The following CALN1 variants were observed in gnomAD, a reference collection of about 807,000 sequenced individuals.
CALN1 encodes the protein calneuron 1, also known as calcium-binding protein 8.
In CALN1, 17 loss-of-function variants were observed where a neutral mutation model predicts 30.6. The observed-to-expected ratio is 0.56, with a 90% CI of 0.38 to 0.83. The LOEUF is 0.83. Ranked by LOEUF, CALN1 falls within the 40% of genes least tolerant of loss-of-function variation. The pLI, the probability that CALN1 is intolerant of heterozygous loss-of-function variation, is 0.00. For synonymous variants in CALN1, 156 were observed against 131.4 expected (o/e 1.19, Z -1.28); for missense variants, 291 against 354.9 (o/e 0.82, Z 1.45).
intron 4 of CALN1, among the ~76,000 whole-genome samples, chr7:72,098,565 G>T (rs1806399781): frequency 6.6e-6 from 1 of 151,878 alleles, no homozygotes; most frequent in Non-Finnish European, 1.5e-5. Flanking sequence ...AAACTTAGCT[G>T]GGTGGGGTTG....
At chr7:72,467,172 A>C in the CALN1 span, among the ~76,000 whole-genome samples, 1 of 152,216 alleles carries the variant, frequency 6.6e-6, no homozygotes, top group African/African-American at 2.4e-5. Flanking sequence ...CCTATGACCA[A>C]TATGAGTCCC....
chr7:72,189,349 A>G lies in CALN1; in HGVS notation c.245-83055T>C, dbSNP rs145082142. On this transcript the variant is annotated intron_variant, in intron 3 of 6. Coordinates refer to ENST00000395275, the MANE Select transcript of CALN1 (RefSeq NM_031468.4). ...TTTTGCTTTACTCCTACTTTTACAGAAAAGAATTTTGTTTCTCAAGCAACA... is the reference window on the plus strand; with the variant it reads ...TTTTGCTTTACTCCTACTTTTACAGGAAAGAATTTTGTTTCTCAAGCAACA... Among the ~76,000 whole-genome samples the G allele has an allele frequency of 1.3e-3, 203 of 152,316 alleles. 1 individual carries two copies. Among genetic ancestry groups the G allele is most frequent in the African/African-American group, 4.6e-3 (193 of 41,586 alleles).
chr7:71,847,491 A>C (rs530556852), intron 5 of CALN1, among the ~76,000 whole-genome samples: 160 of 151,826 alleles, frequency 1.1e-3, no homozygotes, highest in African/African-American at 2.3e-3. Flanking sequence ...CTCTACTAAA[A>C]CAAAACCAAA....
rs544026184 is a variant in CALN1, at chr7:72,031,734, ATTT to A, written c.389-7968_389-7966del. ...AGTTATGTGCCACCACGCCTGGCTAATTTTTTTTTTTTTTTTTTTTTTTTTGAG... is the reference window on the plus strand; with the variant it reads ...AGTTATGTGCCACCACGCCTGGCTAATTTTTTTTTTTTTTTTTTTTTTGAG... On this transcript the variant is annotated intron_variant, in intron 4 of 6. Coordinates refer to ENST00000395275, the MANE Select transcript of CALN1 (RefSeq NM_031468.4). 5.2e-3 allele frequency among the ~76,000 whole-genome samples: 597 copies of A among 114,666 alleles called. 5 individuals are homozygous for A. Among genetic ancestry groups the A allele is most frequent in the African/African-American group, 0.018 (541 of 29,564 alleles). 75.2% of individuals were successfully genotyped at this position (114,666 alleles called of 152,430 possible). A position where few individuals can be genotyped will look rare whatever the true frequency, so the allele number is the denominator to read the frequency against.
chr7:71,971,427 G>A (rs1470013978), intron 5 of CALN1, among the ~76,000 whole-genome samples: 1 of 152,130 alleles, frequency 6.6e-6, no homozygotes, highest in Non-Finnish European at 1.5e-5. Flanking sequence ...TCCAGCCTGG[G>A]CAACAAGAGC....
chr7:71,832,021 T>C (rs974161681), intron 5 of CALN1, among the ~76,000 whole-genome samples: 26 of 152,072 alleles, frequency 1.7e-4, no homozygotes, highest in Non-Finnish European at 1.9e-4. Flanking sequence ...GCCAATTTCA[T>C]CTCTGTATTT....
At chr7:72,217,968 G>A (rs1393698762) in intron 3 of CALN1, among the ~76,000 whole-genome samples, 1 of 144,868 alleles carries the variant, frequency 6.9e-6, no homozygotes, top group Non-Finnish European at 1.5e-5. Flanking sequence ...TCAGCCTCCC[G>A]AGTAGCTGGG....
chr7:72,318,704 C>CTTTTTTTTTTT (rs71069057), intron 2 of CALN1, among the ~76,000 whole-genome samples: 1 of 72,020 alleles, frequency 1.4e-5, no homozygotes, highest in Non-Finnish European at 2.2e-5. Context: ...CCATGTGTAG[C>CTTTTTTTTTTT]TTTTTTTTTT....
intron 3 of CALN1, among the ~76,000 whole-genome samples, chr7:72,188,034 C>T (rs1052885474): frequency 2.6e-5 from 4 of 152,120 alleles, no homozygotes; most frequent in Non-Finnish European, 5.9e-5. Flanking sequence ...GGAATGTAAA[C>T]TAGGACGGCC....
rs10646245 is a variant in CALN1, at chr7:71,827,775, A to AAAATAAATAAATAAAT, written c.502-17299_502-17284dup. On this transcript the variant is annotated intron_variant, in intron 5 of 6. Transcript: ENST00000395275. Reference sequence around the variant, plus strand: ...TGACAGAGTGAGACTCCATCTTAAAAAAATAAATAAATAAATAAATAAATA... The same window carrying AAAATAAATAAATAAAT: ...TGACAGAGTGAGACTCCATCTTAAAAAAATAAATAAATAAATAAATAAATAAATAAATAAATAAATA... 2.7e-3 allele frequency among the ~76,000 whole-genome samples: 373 copies of AAAATAAATAAATAAAT among 140,332 alleles called. 3 individuals carry two copies. The highest frequency in any genetic ancestry group is 7.1e-3 in the African/African-American group (263 of 37,090). The allele number at this position is 140,332 out of a possible 152,430, so 92.1% of individuals were successfully genotyped here.
chr7:72,073,947 G>A (rs1394947025), intron 4 of CALN1, among the ~76,000 whole-genome samples: 3 of 152,080 alleles, frequency 2.0e-5, no homozygotes, highest in African/African-American at 7.2e-5. Context: ...CTCCTGCCTT[G>A]GCCTCACAGA....
chr7:72,021,831 C>T (rs928765005), intron 5 of CALN1, among the ~76,000 whole-genome samples: 1 of 152,210 alleles, frequency 6.6e-6, no homozygotes, highest in African/African-American at 2.4e-5. Flanking sequence ...CCTCCCTTTA[C>T]TTGGCTGCTT....
chr7:71,861,508 G>A (rs1030131137), intron 5 of CALN1, among the ~76,000 whole-genome samples: 1 of 152,042 alleles, frequency 6.6e-6, no homozygotes, highest in African/African-American at 2.4e-5. Flanking sequence ...AGATGTGGTG[G>A]CTCACACCTG....
intron 5 of CALN1, among the ~76,000 whole-genome samples, chr7:71,823,587 A>G (rs112629273): frequency 0.17 from 26,371 of 152,044 alleles, 2,572 homozygotes; most frequent in Middle Eastern, 0.25. Context: ...GCATGGTGGC[A>G]GGCGCCTGTA....
At chr7:72,364,044 T>G (rs1487227761) in intron 2 of CALN1, among the ~76,000 whole-genome samples, 1 of 144,306 alleles carries the variant, frequency 6.9e-6, no homozygotes, top group Admixed American at 7.2e-5. Flanking sequence ...ACAAAATGTG[T>G]TTTTAATTCA....
At chr7:72,225,741 T>C (rs1461102436) in intron 3 of CALN1, among the ~76,000 whole-genome samples, 1 of 152,146 alleles carries the variant, frequency 6.6e-6, no homozygotes, top group Non-Finnish European at 1.5e-5. Flanking sequence ...TCTGAGCTCC[T>C]AGCGAGTACC....
chr7:72,322,302 G>A (rs1348021598), intron 2 of CALN1, among the ~76,000 whole-genome samples: 3 of 152,274 alleles, frequency 2.0e-5, no homozygotes, highest in South Asian at 2.1e-4. Context: ...GATCTGACAG[G>A]AGGCGGAGCT....
chr7:72,209,354 T>A lies in CALN1; in HGVS notation c.244+69332A>T, dbSNP rs1288918462. ...TTTCCTTCCCTCTTTCCTTCCCTCC[T>A]TCCCTCTTTCCTTCCCTCCTTCCCT... On this transcript the variant is annotated intron_variant, in intron 3 of 6. Transcript: ENST00000395275. 5.0e-4 allele frequency among the ~76,000 whole-genome samples: 28 copies of A among 56,118 alleles called. 11 individuals are homozygous for A. Among genetic ancestry groups the A allele is most frequent in the African/African-American group, 1.4e-3 (14 of 9,866 alleles). The allele number at this position is 56,118 out of a possible 152,430, so 36.8% of individuals were successfully genotyped here.
chr7:71,908,479 A>G lies in CALN1; in HGVS notation c.502-97987T>C, dbSNP rs567106816. Among the ~76,000 whole-genome samples the G allele has an allele frequency of 2.6e-5, 4 of 152,338 alleles. No individual in the cohort carries two copies. The South Asian group carries it at 6.2e-4, about 24-fold the overall frequency. The stretch of plus-strand genomic sequence containing the variant: ...TCTGAGAAGCCTGGAGAAAGATCAA[A>G]CCTAAAGGTGACCCTGGAAGTCTGG... On this transcript the variant is annotated intron_variant, in intron 5 of 6. Coordinates refer to ENST00000395275, the MANE Select transcript of CALN1 (RefSeq NM_031468.4).
Sources: allele counts gnomAD v4.1 joint callset (sites outside exome capture counted in the v4.1 genomes callset), GRCh38; gene constraint gnomAD v4.1.1; transcripts MANE v1.5; gene names NCBI Gene and HGNC (gene_info 2026-07-23, HGNC 2026-07-21).